DLC1: variants seen among roughly 807,000 people sequenced by gnomAD.
The protein encoded by DLC1 is rho GTPase-activating protein 7.
A neutral mutation model predicts 140.3 loss-of-function variants in DLC1; 54 were observed. That is an observed-to-expected ratio of 0.38 (90% CI 0.31 to 0.48). DLC1 has a LOEUF of 0.48. DLC1 is among the 20% of genes least tolerant of loss of function. The pLI is 0.96. For missense variants in DLC1, 2,536 were observed against 1,907.0 expected (o/e 1.33, Z -6.14); for synonymous variants, 986 against 728.1 (o/e 1.35, Z -5.70).
intron 4 of DLC1, among the ~76,000 whole-genome samples, chr8:13,374,597 A>G (rs1835882816): frequency 1.3e-5 from 2 of 152,210 alleles, no homozygotes; most frequent in Admixed American, 6.5e-5. Flanking sequence ...CGCGTGGCCA[A>G]CATGGTGAAA....
chr8:13,594,446 C>T (rs1805620718), intron 1 of DLC1, among the ~76,000 whole-genome samples: 1 of 152,000 alleles, frequency 6.6e-6, no homozygotes, highest in African/African-American at 2.4e-5. Context: ...ACTATCTATC[C>T]TCATTTTATT....
chr8:13,091,560 G>T (rs528349748), intron 13 of DLC1, 128 bp from the exon 14 acceptor site: 3 of 710,882 alleles, frequency 4.2e-6, no homozygotes, highest in South Asian at 4.8e-5. Flanking sequence ...TTGTTAAGTG[G>T]ATTAAGAGTG....
At chr8:13,255,515 A>G (rs112970562) in intron 5 of DLC1, among the ~76,000 whole-genome samples, 10,656 of 152,226 alleles carry the variant, frequency 0.07, 411 homozygotes, top group South Asian at 0.11. Context: ...ATATGAATGA[A>G]TGAAATGAAT....
chr8:13,549,227 C>T (rs892107743), intron 1 of DLC1, among the ~76,000 whole-genome samples: 1 of 151,978 alleles, frequency 6.6e-6, no homozygotes, highest in Non-Finnish European at 1.5e-5. Context: ...GCTGAATAAT[C>T]AGTCTTAGCG....
At chr8:13,193,957 ACTGT>A (rs1826907684) in intron 5 of DLC1, among the ~76,000 whole-genome samples, 1 of 152,166 alleles carries the variant, frequency 6.6e-6, no homozygotes, top group Non-Finnish European at 1.5e-5. Flanking sequence ...GTTTCATAAA[ACTGT>A]GCTTCTTTAT....
intron 1 of DLC1, among the ~76,000 whole-genome samples, chr8:13,589,184 G>C (rs1805431241): frequency 6.6e-6 from 1 of 152,122 alleles, no homozygotes; most frequent in East Asian, 1.9e-4. Context: ...GCTGTCGTCA[G>C]TTTATACAAC....
chr8:13,459,840 C>G (rs1799577562), intron 2 of DLC1, among the ~76,000 whole-genome samples: 1 of 152,194 alleles, frequency 6.6e-6, no homozygotes, highest in African/African-American at 2.4e-5. Context: ...ATAACACACG[C>G]TATAAAAAGG....
At chr8:13,376,882 T>C (rs1479350766) in intron 4 of DLC1, among the ~76,000 whole-genome samples, 4 of 152,156 alleles carry the variant, frequency 2.6e-5, no homozygotes, top group Non-Finnish European at 4.4e-5. Context: ...CTGTTCAAAA[T>C]TGGTTACTGT....
At chr8:13,572,886 G>T (rs918453012) in intron 1 of DLC1, among the ~76,000 whole-genome samples, 1 of 152,116 alleles carries the variant, frequency 6.6e-6, no homozygotes, top group Non-Finnish European at 1.5e-5. Flanking sequence ...ACTGTGCTTT[G>T]AGTAAGTTTT....
intron 5 of DLC1, among the ~76,000 whole-genome samples, chr8:13,298,133 A>C (rs1313214012): frequency 6.6e-6 from 1 of 152,220 alleles, no homozygotes; most frequent in Non-Finnish European, 1.5e-5. Context: ...TCTGAAAGCT[A>C]TCCTTCACAA....
intron 5 of DLC1, among the ~76,000 whole-genome samples, chr8:13,301,475 A>AT (rs2117504583): frequency 6.6e-6 from 1 of 152,242 alleles, no homozygotes; most frequent in East Asian, 1.9e-4. Context: ...GACAGCTACC[A>AT]TTTTTTGGGA....
chr8:13,188,225 G>T (rs138298671), intron 5 of DLC1, among the ~76,000 whole-genome samples: 1 of 151,402 alleles, frequency 6.6e-6, no homozygotes, highest in Non-Finnish European at 1.5e-5. Flanking sequence ...GGGGTTACAG[G>T]TGCCGGCCAC....
intron 5 of DLC1, among the ~76,000 whole-genome samples, chr8:13,130,536 G>A (rs1406505885): frequency 6.6e-6 from 1 of 152,160 alleles, no homozygotes; most frequent in Non-Finnish European, 1.5e-5. Context: ...TAGGTTGAAG[G>A]GTAACCTGCC....
intron 5 of DLC1, among the ~76,000 whole-genome samples, chr8:13,135,758 C>T (rs1258733130): frequency 6.6e-6 from 1 of 152,116 alleles, no homozygotes; most frequent in Admixed American, 6.5e-5. Context: ...TTTTATTCCA[C>T]TTAGCATTCA....
chr8:13,531,925 C>T (rs1016200185), intron 1 of DLC1, among the ~76,000 whole-genome samples: 2 of 152,150 alleles, frequency 1.3e-5, no homozygotes, highest in African/African-American at 4.8e-5. Flanking sequence ...CATCCACTTA[C>T]AGAACTTTAA....
chr8:13,097,000 G>T (rs924428102), intron 10 of DLC1, among the ~76,000 whole-genome samples: 1 of 152,090 alleles, frequency 6.6e-6, no homozygotes, highest in Non-Finnish European at 1.5e-5. Flanking sequence ...GATGTACCCA[G>T]ATTAGGTGAT....
At chr8:13,229,348 C>A (rs920926209) in intron 5 of DLC1, among the ~76,000 whole-genome samples, 1 of 152,136 alleles carries the variant, frequency 6.6e-6, no homozygotes, top group Non-Finnish European at 1.5e-5. Context: ...GACCACATAT[C>A]CTCTGATTCC....
chr8:13,499,002 A>C, intron 2 of DLC1, 47 bp downstream of exon 2: 1 of 1,528,712 alleles, frequency 6.5e-7, no homozygotes, highest in South Asian at 1.3e-5. Flanking sequence ...AAATCCAAGG[A>C]TATTTACAAA....
intron 5 of DLC1, among the ~76,000 whole-genome samples, chr8:13,289,102 G>T (rs1831654496): frequency 6.6e-6 from 1 of 152,218 alleles, no homozygotes; most frequent in Non-Finnish European, 1.5e-5. Flanking sequence ...GGCATTCGGT[G>T]CTCATGCCAT....
Sources: gnomAD v4.1 joint callset for allele counts (sites outside exome capture counted in the v4.1 genomes callset) on GRCh38, gnomAD v4.1.1 for gene constraint, MANE v1.5 for transcripts, NCBI Gene and HGNC (gene_info 2026-07-23, HGNC 2026-07-21) for gene names.